Variants in RABGAP1L observed in about 807,000 individuals in gnomAD.
RABGAP1L encodes the protein RAB GTPase activating protein 1 like, also known as rab GTPase-activating protein 1-like.
RABGAP1L carries 63 observed loss-of-function variants against 137.7 expected under a neutral mutation model. That is an observed-to-expected ratio of 0.46 (90% CI 0.37 to 0.56). RABGAP1L has a LOEUF of 0.56. RABGAP1L is among the 20% of genes least tolerant of loss of function. RABGAP1L has a pLI of 0.00. For synonymous variants in RABGAP1L, 431 were observed against 433.7 expected (o/e 0.99, Z 0.08); for missense variants, 1,095 against 1,244.0 (o/e 0.88, Z 1.80).
intron 13 of RABGAP1L, among the ~76,000 whole-genome samples, chr1:174,635,092 C>T (rs1490333630): frequency 2.0e-5 from 3 of 151,638 alleles, no homozygotes; most frequent in African/African-American, 7.3e-5. Flanking sequence ...AAAAAAATTA[C>T]TCAGTGTTAG....
intron 12 of RABGAP1L, among the ~76,000 whole-genome samples, chr1:174,388,359 A>G (rs922544175): frequency 6.6e-6 from 1 of 152,064 alleles, no homozygotes; most frequent in Non-Finnish European, 1.5e-5. Context: ...ATTAGAAAAA[A>G]TAAAAATAAT....
intron 5 of RABGAP1L, among the ~76,000 whole-genome samples, chr1:174,248,154 A>G (rs1672419299): frequency 6.6e-6 from 1 of 152,188 alleles, no homozygotes; most frequent in African/African-American, 2.4e-5. Context: ...TTATTGGGCT[A>G]AATCCAGTAA....
intron 1 of RABGAP1L, among the ~76,000 whole-genome samples, chr1:174,205,328 C>G (rs1392792229): frequency 6.6e-6 from 1 of 152,094 alleles, no homozygotes; most frequent in Non-Finnish European, 1.5e-5. Context: ...AGTCCCTCCT[C>G]CTCAGTTTTT....
intron 13 of RABGAP1L, among the ~76,000 whole-genome samples, chr1:174,636,527 CA>C (rs11348226): frequency 0.59 from 80,252 of 135,200 alleles, 24,225 homozygotes; most frequent in African/African-American, 0.83. Context: ...GACTCTACTT[CA>C]AAAAAAAAAA....
At chr1:174,256,770 A>T (rs1673166125) in intron 7 of RABGAP1L, among the ~76,000 whole-genome samples, 1 of 152,108 alleles carries the variant, frequency 6.6e-6, no homozygotes, top group South Asian at 2.1e-4. Context: ...ACAGAGGGAG[A>T]CTCCGTCTCA....
chr1:174,247,315 A>G (rs1558067710), intron 5 of RABGAP1L, among the ~76,000 whole-genome samples: 1 of 152,214 alleles, frequency 6.6e-6, no homozygotes, highest in Non-Finnish European at 1.5e-5. Context: ...GCTTTCTTAA[A>G]AATACGCTTA....
At chr1:174,463,822 T>C (rs1558256340) in intron 13 of RABGAP1L, among the ~76,000 whole-genome samples, 2 of 151,948 alleles carry the variant, frequency 1.3e-5, no homozygotes, top group East Asian at 3.9e-4. Flanking sequence ...AAAATAATAA[T>C]AATAACAGAT....
At chr1:174,312,922 T>A (rs1314646324) in intron 11 of RABGAP1L, among the ~76,000 whole-genome samples, 2 of 152,224 alleles carry the variant, frequency 1.3e-5, no homozygotes, top group Non-Finnish European at 2.9e-5. Flanking sequence ...TATGGATTTA[T>A]TTCTGGGTTC....
At chr1:174,836,365 AG>A (rs1242287461) in intron 19 of RABGAP1L, among the ~76,000 whole-genome samples, 1 of 152,158 alleles carries the variant, frequency 6.6e-6, no homozygotes, top group Non-Finnish European at 1.5e-5. Flanking sequence ...TGTCTGACCC[AG>A]TAATTCATTT....
At chr1:174,651,012 C>T (rs2148389508) in intron 14 of RABGAP1L, among the ~76,000 whole-genome samples, 1 of 150,416 alleles carries the variant, frequency 6.6e-6, no homozygotes, top group South Asian at 2.1e-4. Flanking sequence ...TTGAATGTGT[C>T]CCGGAGATTC....
At chr1:174,365,584 T>G (rs1416360892) in intron 11 of RABGAP1L, among the ~76,000 whole-genome samples, 1 of 152,146 alleles carries the variant, frequency 6.6e-6, no homozygotes, top group Non-Finnish European at 1.5e-5. Context: ...TAGCTGAACC[T>G]AGGATGGCTC....
At chr1:174,162,906 C>T (rs1664616104) in intron 1 of RABGAP1L, among the ~76,000 whole-genome samples, 1 of 119,940 alleles carries the variant, frequency 8.3e-6, no homozygotes, top group African/African-American at 3.4e-5. Context: ...CACATGGACA[C>T]AGGAAGGGGA....
chr1:174,801,656 A>G (rs1025874627), intron 18 of RABGAP1L, among the ~76,000 whole-genome samples: 3 of 152,244 alleles, frequency 2.0e-5, no homozygotes, highest in Admixed American at 6.5e-5. Context: ...CATTTAAAGA[A>G]GAAATAAAAA....
chr1:174,890,495 G>A (rs1475804171), intron 19 of RABGAP1L, among the ~76,000 whole-genome samples: 1 of 152,174 alleles, frequency 6.6e-6, no homozygotes, highest in Non-Finnish European at 1.5e-5. Context: ...TCATAAAGAT[G>A]TAGACACTTT....
At chr1:174,807,683 T>C (rs1160321797) in intron 18 of RABGAP1L, among the ~76,000 whole-genome samples, 3 of 152,200 alleles carry the variant, frequency 2.0e-5, no homozygotes, top group Non-Finnish European at 4.4e-5. Context: ...AAGGTTTTTG[T>C]TTTATGTGTT....
chr1:174,905,336 G>A (rs954585941), intron 19 of RABGAP1L, among the ~76,000 whole-genome samples: 6 of 152,116 alleles, frequency 3.9e-5, no homozygotes, highest in African/African-American at 1.4e-4. Context: ...ATTCAAAATG[G>A]CAATTTTAAG....
At chr1:174,169,284 A>C (rs1346753920) in intron 1 of RABGAP1L, among the ~76,000 whole-genome samples, 1 of 148,308 alleles carries the variant, frequency 6.7e-6, no homozygotes, top group Admixed American at 6.7e-5. Flanking sequence ...CAGTGGCATG[A>C]TCTTGGCTCA....
intron 19 of RABGAP1L, among the ~76,000 whole-genome samples, chr1:174,884,755 T>C (rs1389102910): frequency 1.3e-5 from 2 of 152,240 alleles, no homozygotes; most frequent in African/African-American, 4.8e-5. Flanking sequence ...GCAACCATTC[T>C]CCCTATCTCT....
Position 174,358,408 on chromosome 1 carries a change from T to A in RABGAP1L, c.1466-12571T>A, listed in dbSNP as rs1276579567. On this transcript the variant is annotated intron_variant, in intron 11 of 25. Coordinates refer to ENST00000681986, the MANE Select transcript of RABGAP1L (RefSeq NM_001366446.1). Reference sequence around the variant, plus strand: ...GGCAGGTGAGTCCTGATTGGTTGATTTCCAAGCTCTAAACCAGAGATCTCT... The same window carrying A: ...GGCAGGTGAGTCCTGATTGGTTGATATCCAAGCTCTAAACCAGAGATCTCT... Among the ~76,000 whole-genome samples, 3 of 152,202 alleles carry A rather than the reference T, an allele frequency of 2.0e-5. No individual in the cohort carries two copies. In the East Asian group the frequency reaches 5.8e-4, roughly 29 times the overall value.
Sources: allele counts gnomAD v4.1 joint callset (sites outside exome capture counted in the v4.1 genomes callset), GRCh38; gene constraint gnomAD v4.1.1; transcripts MANE v1.5; gene names NCBI Gene and HGNC (gene_info 2026-07-23, HGNC 2026-07-21).